Variants in CTBP2 observed in about 807,000 individuals in gnomAD.
The protein encoded by CTBP2 is C-terminal binding protein 2.
In CTBP2, 30 loss-of-function variants were observed where a neutral mutation model predicts 80.3. The ratio of observed to expected loss-of-function variants is 0.37; its 90% CI spans 0.28 to 0.51. The LOEUF is 0.51. CTBP2 is among the 20% of genes least tolerant of loss of function. The probability of loss-of-function intolerance (pLI) is 0.93; values close to 1 mark genes in which losing one functional copy is unlikely to be tolerated. For synonymous variants in CTBP2, 594 were observed against 587.4 expected (o/e 1.01, Z -0.16); for missense variants, 1,212 against 1,375.3 (o/e 0.88, Z 1.88).
rs1291142563 is a variant in CTBP2 at position 124,989,557 on chromosome 10, T to A, written c.2919A>T (p.Thr973=). Residue 973 remains threonine (T), a synonymous_variant, in exon 9 of 9, where the codon ACA becomes ACT. Transcript: ENST00000309035. ...GGTGCTCTCGATTGTCCCCGTGTTT[T>A]GTGGGCTGGTTGGGAGAGGGCGCTT... The A allele has an allele frequency of 1.9e-6, 3 of 1,613,432 alleles. No individual in the cohort carries two copies. In the East Asian group the frequency reaches 6.7e-5, roughly 36 times the overall value.
At chr10:125,057,460 T>C (rs1964172074) in intron 2 of CTBP2, among the ~76,000 whole-genome samples, 1 of 152,198 alleles carries the variant, frequency 6.6e-6, no homozygotes, top group Non-Finnish European at 1.5e-5. Context: ...TCTGGGCCCC[T>C]GACTGGCAAT....
chr10:125,094,197 C>T (rs1849205084), intron 2 of CTBP2, among the ~76,000 whole-genome samples: 1 of 152,190 alleles, frequency 6.6e-6, no homozygotes, highest in Non-Finnish European at 1.5e-5. Flanking sequence ...GGATCAGTCT[C>T]AGGGATGCTT....
chr10:125,014,031 C>T (rs565038562), intron 1 of CTBP2, among the ~76,000 whole-genome samples: 6 of 152,318 alleles, frequency 3.9e-5, no homozygotes, highest in African/African-American at 4.8e-5. Context: ...TGCGCTCTTC[C>T]CACCCGGGTG....
intron 1 of CTBP2, among the ~76,000 whole-genome samples, chr10:125,140,199 A>C (rs534760812): frequency 1.3e-5 from 2 of 152,172 alleles, no homozygotes; most frequent in South Asian, 2.1e-4. Context: ...CACCCAGAAG[A>C]AGCCAAGAAT....
intron 2 of CTBP2, among the ~76,000 whole-genome samples, chr10:125,093,246 T>G (rs1849051941): frequency 6.6e-6 from 1 of 152,296 alleles, no homozygotes; most frequent in Non-Finnish European, 1.5e-5. Flanking sequence ...ACTCCAGCAA[T>G]CTGAGGGTGG....
chr10:124,997,573 G>A (rs950673011), intron 4 of CTBP2: 7 of 247,072 alleles, frequency 2.8e-5, no homozygotes, highest in Admixed American at 1.0e-4. Flanking sequence ...CGTCTCCACT[G>A]AACCCTACGC....
chr10:125,111,133 AGATT>A (rs893386493), intron 1 of CTBP2, 40 bp from the exon 2 acceptor site: 1 of 148,168 alleles, frequency 6.7e-6, no homozygotes, highest in African/African-American at 2.6e-5. Flanking sequence ...GATGAAGTAG[AGATT>A]TTTTTTTTTT....
Position 124,988,981 on chromosome 10 carries a change from C to T in CTBP2, c.*537G>A. 1 of 158,358 alleles carries T rather than the reference C, an allele frequency of 6.3e-6. No individual in the cohort carries two copies. The highest frequency in any genetic ancestry group is 1.4e-5 in the Non-Finnish European group (1 of 71,658). 9.8% of individuals were successfully genotyped at this position (158,358 alleles called of 1,614,324 possible). ...CAGATGTGAGAGGCGCTTCTCTGTA[C>T]AGCAGCCTGTACTGTCTTCAATCCT... On this transcript the variant is annotated 3_prime_UTR_variant, in exon 9 of 9. Transcript: ENST00000309035.
intron 1 of CTBP2, among the ~76,000 whole-genome samples, chr10:125,153,985 G>A (rs12354622): frequency 0.24 from 35,892 of 152,166 alleles, 4,372 homozygotes; most frequent in South Asian, 0.34. Context: ...ATCCTTTAAC[G>A]TGGCCCTTCC....
chr10:124,997,924 G>A (rs1046100980), intron 4 of CTBP2, 40 bp downstream of exon 6: 1 of 1,580,722 alleles, frequency 6.3e-7, no homozygotes, highest in Non-Finnish European at 8.6e-7. Context: ...CAGCCCCAGT[G>A]TCGGAGGGGT....
At chr10:125,156,131 A>C (rs924781758) in intron 1 of CTBP2, among the ~76,000 whole-genome samples, 5 of 152,148 alleles carry the variant, frequency 3.3e-5, no homozygotes, top group Admixed American at 2.6e-4. Context: ...ACCCTGTGTA[A>C]CAGACCTACC....
intron 1 of CTBP2, among the ~76,000 whole-genome samples, chr10:125,159,299 C>T (rs1861510111): frequency 6.7e-6 from 1 of 149,178 alleles, no homozygotes; most frequent in Non-Finnish European, 1.5e-5. Flanking sequence ...AAAAGTGCGG[C>T]CCGGGCGGGG....
intron 1 of CTBP2, among the ~76,000 whole-genome samples, chr10:125,020,158 A>G (rs895920148): frequency 6.6e-6 from 1 of 152,204 alleles, no homozygotes; most frequent in African/African-American, 2.4e-5. Context: ...CCAGGAAAAT[A>G]GGAACCATAC....
chr10:125,129,190 A>G lies in CTBP2; in HGVS notation c.-205-18097T>C, dbSNP rs74830483. On this transcript the variant is annotated intron_variant, in intron 1 of 10. Coordinates refer to the CTBP2 transcript ENST00000337195. The stretch of plus-strand genomic sequence containing the variant: ...AGGCAAAACTACCTCTGTTGAAGGA[A>G]AAGAAACCAAAACAGTGGTGGCCTG... Among the ~76,000 whole-genome samples the G allele has an allele frequency of 2.5e-4, 38 of 152,308 alleles. No homozygotes were observed. The East Asian group carries it at 6.9e-3, about 28-fold the overall frequency.
intron 1 of CTBP2, among the ~76,000 whole-genome samples, chr10:125,129,274 G>A (rs991680779): frequency 4.6e-5 from 7 of 152,102 alleles, no homozygotes; most frequent in Non-Finnish European, 1.0e-4. Context: ...GGACTTTCCG[G>A]AGTGACTGTA....
chr10:125,078,009 G>A (rs943270207), intron 2 of CTBP2, among the ~76,000 whole-genome samples: 3 of 152,150 alleles, frequency 2.0e-5, no homozygotes, highest in African/African-American at 4.8e-5. Flanking sequence ...GGCCGGGCGC[G>A]GTGGCTCACG....
At chr10:125,141,793 A>T (rs778693214) in intron 1 of CTBP2, among the ~76,000 whole-genome samples, 3 of 152,102 alleles carry the variant, frequency 2.0e-5, no homozygotes, top group Admixed American at 2.0e-4. Flanking sequence ...ATACACAGCA[A>T]GCACACAGCA....
At chr10:125,105,879 A>G (rs1168553517) in intron 2 of CTBP2, among the ~76,000 whole-genome samples, 1 of 152,224 alleles carries the variant, frequency 6.6e-6, no homozygotes, top group Non-Finnish European at 1.5e-5. Flanking sequence ...TCATTTGCAC[A>G]TCGGCATCTA....
intron 3 of CTBP2, chr10:124,998,746 A>T (rs936292412): frequency 5.9e-6 from 1 of 168,152 alleles, no homozygotes; most frequent in Non-Finnish European, 1.3e-5. Context: ...GCGTGTGCAC[A>T]ATCGCCCTGT....
Sources: allele counts gnomAD v4.1 joint callset (sites outside exome capture counted in the v4.1 genomes callset), GRCh38; gene constraint gnomAD v4.1.1; transcripts MANE v1.5; gene names NCBI Gene and HGNC (gene_info 2026-07-23, HGNC 2026-07-21).